The following ENPP3 variants were observed in gnomAD, a reference collection of about 807,000 sequenced individuals.
The protein encoded by ENPP3 is ectonucleotide pyrophosphatase/phosphodiesterase family member 3.
ENPP3 carries 104 observed loss-of-function variants against 117.8 expected under a neutral mutation model. The ratio of observed to expected loss-of-function variants is 0.88; its 90% CI spans 0.75 to 1.04. The LOEUF (loss-of-function observed/expected upper bound fraction) is 1.04, where lower values mean the gene tolerates loss of function less well. Among genes scored for constraint, ENPP3 ranks in the 50% least tolerant of loss-of-function variants. The pLI, the probability that ENPP3 is intolerant of heterozygous loss-of-function variation, is 0.00. For synonymous variants in ENPP3, 380 were observed against 349.9 expected (o/e 1.09, Z -0.96); for missense variants, 1,026 against 1,051.9 (o/e 0.98, Z 0.34).
chr6:131,660,719 T>G (rs1214369306), intron 6 of ENPP3, among the ~76,000 whole-genome samples: 1 of 152,188 alleles, frequency 6.6e-6, no homozygotes, highest in Non-Finnish European at 1.5e-5. Context: ...GCTGTCTGCT[T>G]TTTAAATTTT....
chr6:131,676,915 G>T, intron 10 of ENPP3, 114 bp downstream of exon 10: 2 of 682,524 alleles, frequency 2.9e-6, no homozygotes, highest in South Asian at 3.6e-5. Context: ...AAACGACGTG[G>T]CATTGCCTTA....
At chr6:131,728,116 G>A (rs1780196968) in intron 20 of ENPP3, among the ~76,000 whole-genome samples, 2 of 152,160 alleles carry the variant, frequency 1.3e-5, no homozygotes, top group South Asian at 4.1e-4. Context: ...TGGACGGTTG[G>A]TGCAACATTA....
At chr6:131,709,764 T>C in intron 15 of ENPP3, 1 of 1,613,970 alleles carries the variant, frequency 6.2e-7, no homozygotes, top group Non-Finnish European at 8.5e-7. Context: ...TTTCTTCCAC[T>C]CTAGAAAGCT....
chr6:131,740,408 C>T (rs985947684), intron 24 of ENPP3, 28 bp downstream of exon 24: 2 of 1,498,502 alleles, frequency 1.3e-6, no homozygotes, highest in African/African-American at 2.8e-5. Context: ...GGGTCCAGGA[C>T]CCGAGAAAAT....
chr6:131,723,922 T>C, intron 18 of ENPP3, 118 bp from the exon 19 acceptor site: 1 of 704,024 alleles, frequency 1.4e-6, no homozygotes. Context: ...TTAGGCTAGC[T>C]TCTTTGGCAG....
At chr6:131,661,461 ATTG>A (rs1778497828) in intron 6 of ENPP3, among the ~76,000 whole-genome samples, 1 of 151,160 alleles carries the variant, frequency 6.6e-6, no homozygotes. Context: ...ATTTTTAATT[ATTG>A]TTATTATGTT....
intron 15 of ENPP3, among the ~76,000 whole-genome samples, chr6:131,715,826 T>C (rs1482155349): frequency 2.0e-5 from 3 of 152,018 alleles, no homozygotes; most frequent in Non-Finnish European, 4.4e-5. Flanking sequence ...GGGGGACCTG[T>C]AGATGGGCTT....
intron 1 of ENPP3, among the ~76,000 whole-genome samples, chr6:131,639,261 A>T (rs1275970199): frequency 1.4e-4 from 9 of 65,130 alleles, no homozygotes; most frequent in Admixed American, 8.1e-4. Flanking sequence ...ATATATATAT[A>T]TATATTTTTT....
rs771968974 is a variant in ENPP3 at position 131,650,067 on chromosome 6, A to C, written c.195A>C (p.Gly65=). The change falls in exon 3 of 25, where the codon GGA becomes GGC. Residue 65 remains glycine (G), a synonymous_variant. Transcript: ENST00000357639. ...AGTGCTTTGATGCATCATTTAGAGG[A>C]CTGGAGAACTGCCGGTGTGATGTGG... The part of the protein sequence containing the change: ...RKKCFDASFR[G]LENCRCDVAC... 1.2e-6 allele frequency: 2 copies of C among 1,614,024 alleles called. No individual in the cohort carries two copies. The highest frequency in any genetic ancestry group is 3.3e-5 in the Admixed American group (2 of 59,984).
chr6:131,676,908 C>T (rs758514796), intron 10 of ENPP3, 107 bp downstream of exon 10: 111 of 721,724 alleles, frequency 1.5e-4, no homozygotes, highest in Middle Eastern at 5.2e-4. Context: ...ATTTTCGAAA[C>T]GACGTGGCAT....
At position 131,723,038 on chromosome 6, in the gene ENPP3, A is replaced by C. The variant is rs187786100; in HGVS notation, c.1746+633A>C. On this transcript the variant is annotated intron_variant, in intron 18 of 24. Coordinates refer to ENST00000357639, the MANE Select transcript of ENPP3 (RefSeq NM_005021.5). Reference sequence around the variant, plus strand: ...AGCTCAAAATATAAGGACCAAGCCTACTTGTGAGAATCAGAGCGCCTGGAT... The same window carrying C: ...AGCTCAAAATATAAGGACCAAGCCTCCTTGTGAGAATCAGAGCGCCTGGAT... Among the ~76,000 whole-genome samples, 258 of 152,340 alleles carry C rather than the reference A, an allele frequency of 1.7e-3. 1 individual carries two copies. In the South Asian group the frequency reaches 0.026, roughly 15 times the overall value.
intron 10 of ENPP3, 37 bp downstream of exon 10, chr6:131,676,838 C>CAT: frequency 1.5e-6 from 2 of 1,307,744 alleles, no homozygotes; most frequent in Non-Finnish European, 2.2e-6. Flanking sequence ...GGCATAGTGG[C>CAT]ATATATATGG....
At chr6:131,683,703 A>G (rs1443056202) in intron 12 of ENPP3, among the ~76,000 whole-genome samples, 1 of 151,980 alleles carries the variant, frequency 6.6e-6, no homozygotes, top group African/African-American at 2.4e-5. Flanking sequence ...ACCTCACGCA[A>G]AATGCATTCA....
intron 11 of ENPP3, among the ~76,000 whole-genome samples, chr6:131,681,587 G>C (rs964084910): frequency 1.3e-5 from 2 of 151,564 alleles, no homozygotes; most frequent in African/African-American, 4.9e-5. Context: ...TATTCATAAA[G>C]TGTAGAAAAT....
At chr6:131,735,486 G>A (rs1285527729) in intron 21 of ENPP3, among the ~76,000 whole-genome samples, 1 of 152,056 alleles carries the variant, frequency 6.6e-6, no homozygotes, top group Admixed American at 6.6e-5. Context: ...CAGGCAGGAT[G>A]GTGCATGCCT....
In ENPP3 at chr6:131,722,218, A is replaced by C; in HGVS notation, c.1568-9A>C. ...AAAGCTACTTTGAACTAATTTTTTC[A>C]AAAAACAGATCTTCTACGCATTCAA... is the stretch of plus-strand genomic sequence containing the variant. On this transcript the variant is annotated splice_polypyrimidine_tract_variant and intron_variant, in intron 17 of 24. Coordinates refer to ENST00000357639, the MANE Select transcript of ENPP3 (RefSeq NM_005021.5). The C allele has an allele frequency of 6.2e-7, 1 of 1,601,718 alleles. No homozygotes were observed. The highest frequency in any genetic ancestry group is 8.5e-7 in the Non-Finnish European group (1 of 1,175,798).
intron 6 of ENPP3, among the ~76,000 whole-genome samples, chr6:131,667,742 T>C (rs1562438850): frequency 6.6e-6 from 1 of 152,218 alleles, no homozygotes; most frequent in Non-Finnish European, 1.5e-5. Flanking sequence ...AGCAGGAGCC[T>C]CTCAAGTAGT....
rs144611899 is a variant in ENPP3, at chr6:131,683,078, G to T, written c.1036G>T (p.Asp346Tyr). The T allele has an allele frequency of 6.8e-5, 109 of 1,609,774 alleles. No individual in the cohort carries two copies. In the African/African-American group the frequency reaches 1.3e-3, roughly 19 times the overall value. Residue 346 changes from aspartate to tyrosine, a missense_variant, in exon 12 of 25, where the codon GAT (aspartate) becomes TAT (tyrosine). Transcript: ENST00000357639. ...ARVIKALQVV[D>Y]HAFGMLMEGL... ...GGTAATTAAAGCCTTACAGGTAGTA[G>T]ATCATGCTTTTGGGATGTTGATGGA... is the stretch of plus-strand genomic sequence containing the variant.
chr6:131,731,276 T>G lies in ENPP3; in HGVS notation c.1954-2312T>G, dbSNP rs150251724. ...AGCTTCTATTTTAAGAGTTAGGCAC[T>G]AAACTATATGGCTGGGTCTTTCCAG... On this transcript the variant is annotated intron_variant, in intron 20 of 24. Transcript: ENST00000357639. Among the ~76,000 whole-genome samples, 664 of 152,332 alleles carry G rather than the reference T, an allele frequency of 4.4e-3. 14 individuals carry two copies. In the Middle Eastern group the frequency reaches 0.058, roughly 13 times the overall value.
Sources: allele counts gnomAD v4.1 joint callset (sites outside exome capture counted in the v4.1 genomes callset), GRCh38; gene constraint gnomAD v4.1.1; transcripts MANE v1.5; gene names NCBI Gene and HGNC (gene_info 2026-07-23, HGNC 2026-07-21).